POLN: variants seen among roughly 807,000 people sequenced by gnomAD.
The protein encoded by POLN is DNA polymerase nu.
In POLN, 108 loss-of-function variants were observed where a neutral mutation model predicts 113.5. The observed-to-expected ratio is 0.95, with a 90% CI of 0.81 to 1.12. POLN has a LOEUF of 1.12. Among genes scored for constraint, POLN ranks in the 50% most tolerant of loss-of-function variants. The pLI is 0.00. For missense variants in POLN, 1,097 were observed against 1,077.1 expected (o/e 1.02, Z -0.26); for synonymous variants, 386 against 391.5 (o/e 0.99, Z 0.17).
intron 20 of POLN, among the ~76,000 whole-genome samples, chr4:2,091,612 G>A (rs2108696740): frequency 6.6e-6 from 1 of 152,294 alleles, no homozygotes; most frequent in South Asian, 2.1e-4. Flanking sequence ...TCCCCACACT[G>A]TGATTCCGTT....
Position 2,174,684 on chromosome 4 carries a change from A to G in POLN, c.1309+7T>C. Reference sequence around the variant, plus strand: ...AATGGCTGTACTTCATCTTTATGGTAACTTACCTGCCAAAATTGGTATCAG... The same window carrying G: ...AATGGCTGTACTTCATCTTTATGGTGACTTACCTGCCAAAATTGGTATCAG... On this transcript the variant is annotated splice_region_variant and intron_variant, in intron 10 of 25. Transcript: ENST00000511885. The G allele has an allele frequency of 6.2e-7, 1 of 1,602,408 alleles. No homozygotes were observed. The highest frequency in any genetic ancestry group is 8.5e-7 in the Non-Finnish European group (1 of 1,169,658).
At chr4:2,187,384 C>T (rs985364814) in intron 7 of POLN, among the ~76,000 whole-genome samples, 2 of 152,124 alleles carry the variant, frequency 1.3e-5, no homozygotes, top group African/African-American at 4.8e-5. Flanking sequence ...TCTGGGATTA[C>T]AGGTATGTGC....
chr4:2,073,141 T>C, intron 24 of POLN, 112 bp from the exon 25 acceptor site: 7 of 997,726 alleles, frequency 7.0e-6, no homozygotes, highest in Non-Finnish European at 1.1e-5. Flanking sequence ...TGAGCCCCCT[T>C]GTTTCCTGTG....
chr4:2,184,667 C>T (rs1051489067), intron 7 of POLN, among the ~76,000 whole-genome samples: 7 of 152,110 alleles, frequency 4.6e-5, no homozygotes, highest in African/African-American at 1.7e-4. Flanking sequence ...ATGCCATTTT[C>T]ACTAATGTAA....
In POLN at chr4:2,072,017, G is replaced by T; in HGVS notation, c.*97C>A. On this transcript the variant is annotated 3_prime_UTR_variant, in exon 26 of 26. Coordinates refer to ENST00000511885, the MANE Select transcript of POLN (RefSeq NM_181808.4). The stretch of plus-strand genomic sequence containing the variant: ...TGGCGGGCCACCCCAGCCCCAAAGG[G>T]TTAATGCGTCCTGGGGCGTACAGAG... 1 of 1,391,864 alleles carries T rather than the reference G, an allele frequency of 7.2e-7. No homozygotes were observed. The highest frequency in any genetic ancestry group is 1.0e-6 in the Non-Finnish European group (1 of 978,828). The allele number at this position is 1,391,864 out of a possible 1,614,324, so 86.2% of individuals were successfully genotyped here. A position where few individuals can be genotyped will look rare whatever the true frequency, so the allele number is the denominator to read the frequency against.
At chr4:2,083,272 T>G (rs1457731826) in intron 21 of POLN, among the ~76,000 whole-genome samples, 1 of 152,176 alleles carries the variant, frequency 6.6e-6, no homozygotes, top group Non-Finnish European at 1.5e-5. Context: ...GCCTCCCAAG[T>G]CTGGATCCAC....
chr4:2,077,387 G>C (rs1730301083), intron 23 of POLN, among the ~76,000 whole-genome samples: 1 of 152,208 alleles, frequency 6.6e-6, no homozygotes. Context: ...ACATCCACAG[G>C]ACACTACGTG....
At chr4:2,152,902 G>T (rs1732329212) in intron 16 of POLN, among the ~76,000 whole-genome samples, 1 of 152,170 alleles carries the variant, frequency 6.6e-6, no homozygotes, top group Non-Finnish European at 1.5e-5. Context: ...ATTTTGGAAG[G>T]CAATCTAATA....
At chr4:2,169,580 C>A (rs1267502194) in intron 13 of POLN, among the ~76,000 whole-genome samples, 1 of 152,204 alleles carries the variant, frequency 6.6e-6, no homozygotes, top group Admixed American at 6.5e-5. Flanking sequence ...GACACACACA[C>A]ACGCACACAC....
intron 13 of POLN, among the ~76,000 whole-genome samples, chr4:2,161,717 A>G (rs551181352): frequency 2.0e-5 from 3 of 152,326 alleles, no homozygotes; most frequent in Admixed American, 2.0e-4. Flanking sequence ...CGCTGGGTGA[A>G]GCCAGCTGGG....
At chr4:2,114,710 G>C (rs931697461) in intron 19 of POLN, among the ~76,000 whole-genome samples, 16 of 152,152 alleles carry the variant, frequency 1.1e-4, no homozygotes, top group African/African-American at 3.6e-4. Flanking sequence ...ATTGTCTAAT[G>C]TGTTGTGTTC....
intron 8 of POLN, chr4:2,177,427 AGAATGGT>A: frequency 3.0e-6 from 1 of 334,988 alleles, no homozygotes; most frequent in Non-Finnish European, 6.0e-6. Context: ...CTCTTTGGAG[AGAATGGT>A]GTAACCTGTG....
At chr4:2,074,412 G>A (rs946098889) in intron 24 of POLN, among the ~76,000 whole-genome samples, 1 of 152,240 alleles carries the variant, frequency 6.6e-6, no homozygotes, top group Non-Finnish European at 1.5e-5. Context: ...GGAGCTGCCA[G>A]GCCAGCTGGA....
rs988603862 is a variant in POLN, at chr4:2,181,816, C to T, written c.1022-2351G>A. Among the ~76,000 whole-genome samples, 8 of 151,898 alleles carry T rather than the reference C, an allele frequency of 5.3e-5. No individual in the cohort carries two copies. The East Asian group carries it at 7.7e-4, about 15-fold the overall frequency. ...GAGATTGAGCCCATCTTGGCTAACA[C>T]GGTGAAACCCTGTCTCTACTAAAAA... On this transcript the variant is annotated intron_variant, in intron 7 of 25. Transcript: ENST00000511885.
rs55765861 is a variant in POLN, at chr4:2,241,472, G to A, written c.-13+48C>T. ...CTTCCCTGCCCTCCGTACGTAAGAA[G>A]ACGCAAATAAGCATGGCACATCTTC... is the stretch of plus-strand genomic sequence containing the variant. On this transcript the variant is annotated intron_variant, in intron 2 of 25. Coordinates refer to ENST00000511885, the MANE Select transcript of POLN (RefSeq NM_181808.4). 490 of 984,310 alleles carry A rather than the reference G, an allele frequency of 5.0e-4. 2 individuals carry two copies. In the African/African-American group the frequency reaches 7.7e-3, roughly 15 times the overall value. 61.0% of individuals were successfully genotyped at this position (984,310 alleles called of 1,614,324 possible).
intron 4 of POLN, among the ~76,000 whole-genome samples, chr4:2,211,094 C>T (rs1560095297): frequency 6.8e-6 from 1 of 147,930 alleles, no homozygotes; most frequent in Admixed American, 6.7e-5. Context: ...CTATTAAAAA[C>T]ACAAAAATTA....
intron 19 of POLN, among the ~76,000 whole-genome samples, chr4:2,106,904 A>T (rs558437447): frequency 6.6e-6 from 1 of 152,216 alleles, no homozygotes; most frequent in East Asian, 1.9e-4. Context: ...ACTGCAGATT[A>T]GTTTGTCTAG....
At chr4:2,179,743 G>A (rs1733087657) in intron 7 of POLN, among the ~76,000 whole-genome samples, 1 of 152,200 alleles carries the variant, frequency 6.6e-6, no homozygotes, top group African/African-American at 2.4e-5. Context: ...AAGCTCACTT[G>A]CAATTTGGAT....
At chr4:2,156,279 C>T (rs1732421383) in intron 16 of POLN, 1 of 347,390 alleles carries the variant, frequency 2.9e-6, no homozygotes, top group African/African-American at 2.1e-5. Context: ...AGAAATTAAT[C>T]ATGAGTCTTT....
Sources: allele counts gnomAD v4.1 joint callset (sites outside exome capture counted in the v4.1 genomes callset), GRCh38; gene constraint gnomAD v4.1.1; transcripts MANE v1.5; gene names NCBI Gene and HGNC (gene_info 2026-07-23, HGNC 2026-07-21).